RBPJ: variants seen among roughly 807,000 people sequenced by gnomAD.
The protein encoded by RBPJ is recombining binding protein suppressor of hairless.
Under a neutral mutation model 67.8 loss-of-function variants are expected in RBPJ, and 9 were observed. The ratio of observed to expected loss-of-function variants is 0.13; its 90% CI spans 0.08 to 0.23. The LOEUF is 0.23. Ranked by LOEUF, RBPJ falls within the 10% of genes least tolerant of loss-of-function variation. RBPJ has a pLI of 1.00. For synonymous variants in RBPJ, 198 were observed against 203.3 expected (o/e 0.97, Z 0.22); for missense variants, 305 against 595.6 (o/e 0.51, Z 5.08).
At chr4:26,320,971 G>A, upstream of RBPJ, 1 of 1,613,414 alleles carries the variant, frequency 6.2e-7, no homozygotes, top group Non-Finnish European at 8.5e-7. Flanking sequence ...AGAGGGACCA[G>A]GGAAGGCGTC....
intron 1 of RBPJ, among the ~76,000 whole-genome samples, chr4:26,211,558 C>T (rs576292333): frequency 1.4e-4 from 22 of 152,264 alleles, no homozygotes; most frequent in African/African-American, 4.3e-4. Context: ...TAAAGTTGCA[C>T]GACCATCATC....
At chr4:26,378,753 G>C (rs1196833507) in intron 1 of RBPJ, among the ~76,000 whole-genome samples, 1 of 152,172 alleles carries the variant, frequency 6.6e-6, no homozygotes. Context: ...GAGGCTGAGT[G>C]TGGTGGCTCA....
chr4:26,338,265 C>T (rs1391034824), intron 1 of RBPJ, among the ~76,000 whole-genome samples: 11 of 149,462 alleles, frequency 7.4e-5, no homozygotes, highest in Admixed American at 3.3e-4. Context: ...AAGCAATTCT[C>T]CTGCCTCAGC....
intron 1 of RBPJ, among the ~76,000 whole-genome samples, chr4:26,170,307 G>A (rs1244634438): frequency 2.0e-5 from 3 of 152,116 alleles, no homozygotes; most frequent in African/African-American, 2.4e-5. Context: ...TTGGGAGGCC[G>A]AGGCGGGTGG....
chr4:26,294,889 AATT>A (rs1721809561), intron 1 of RBPJ, among the ~76,000 whole-genome samples: 1 of 151,964 alleles, frequency 6.6e-6, no homozygotes, highest in Non-Finnish European at 1.5e-5. Flanking sequence ...AAAAAAAAAA[AATT>A]ATTACATGTG....
At chr4:26,391,056 C>T (rs1163745049) in intron 2 of RBPJ, among the ~76,000 whole-genome samples, 1 of 152,124 alleles carries the variant, frequency 6.6e-6, no homozygotes, top group Non-Finnish European at 1.5e-5. Context: ...GACCCTGTCT[C>T]AAATAAATAT....
chr4:26,317,511 G>A (rs1205880685), upstream of RBPJ, among the ~76,000 whole-genome samples: 3 of 152,128 alleles, frequency 2.0e-5, no homozygotes, highest in Non-Finnish European at 2.9e-5. Flanking sequence ...ATAGTGAAAT[G>A]GGAAAGTCAT....
rs527677521 is a variant in RBPJ, at chr4:26,393,750, T to C, written c.59+7359T>C. On this transcript the variant is annotated intron_variant, in intron 2 of 10. Coordinates refer to ENST00000355476, the MANE Select transcript of RBPJ (RefSeq NM_015874.6). The stretch of plus-strand genomic sequence containing the variant: ...AATATTCAAGTTAGGAAAATTTTAG[T>C]ATCTTTTATTTTATTTGATGAGAAA... 1.6e-3 allele frequency among the ~76,000 whole-genome samples: 244 copies of C among 152,264 alleles called. 1 individual carries two copies. Among genetic ancestry groups the C allele is most frequent in the African/African-American group, 5.7e-3 (237 of 41,550 alleles).
At chr4:26,199,577 G>T (rs1421265330) in intron 1 of RBPJ, among the ~76,000 whole-genome samples, 1 of 152,180 alleles carries the variant, frequency 6.6e-6, no homozygotes, top group Non-Finnish European at 1.5e-5. Flanking sequence ...GCCTGGAGTG[G>T]CTGGGGAGGG....
At chr4:26,367,497 G>T (rs1445316543) in intron 1 of RBPJ, among the ~76,000 whole-genome samples, 2 of 152,050 alleles carry the variant, frequency 1.3e-5, no homozygotes, top group Non-Finnish European at 2.9e-5. Flanking sequence ...AAACCTCTCA[G>T]TTTCACTTTT....
At chr4:26,140,868 A>AATAT in the RBPJ span, among the ~76,000 whole-genome samples, 1 of 151,692 alleles carries the variant, frequency 6.6e-6, no homozygotes, top group Non-Finnish European at 1.5e-5. Flanking sequence ...TAAATAAATA[A>AATAT]AATATTTGCA....
intron 3 of RBPJ, among the ~76,000 whole-genome samples, chr4:26,413,418 CT>C (rs1340739300): frequency 6.6e-6 from 1 of 152,154 alleles, no homozygotes; most frequent in Non-Finnish European, 1.5e-5. Flanking sequence ...TGTTATTTCA[CT>C]CATTTATCTG....
chr4:26,291,073 G>A lies in RBPJ; in HGVS notation c.-166-71373G>A, dbSNP rs548934636. Among the ~76,000 whole-genome samples, 2 of 150,948 alleles carry A rather than the reference G, an allele frequency of 1.3e-5. 1 individual carries two copies. The highest frequency in any genetic ancestry group is 3.9e-4 in the East Asian group (2 of 5,096). ...TATTACCCATATTTCTATAATACCT[G>A]CTTCAGAAGTGTTGCAGAAAGACAA... is the stretch of plus-strand genomic sequence containing the variant. On this transcript the variant is annotated intron_variant, in intron 1 of 4. Transcript: ENST00000512351.
rs1314667282 is a variant in RBPJ at position 26,431,653 on chromosome 4, A to G, written c.*646A>G. ...AGTCTTATGACTTTTCATGAGTCAA[A>G]ATTGTTTGGATTTCAGCAAGTCAAA... On this transcript the variant is annotated 3_prime_UTR_variant, in exon 11 of 11. Transcript: ENST00000355476. 1 of 151,790 alleles carries G rather than the reference A, an allele frequency of 6.6e-6. No homozygotes were observed. Among genetic ancestry groups the G allele is most frequent in the Non-Finnish European group, 1.5e-5 (1 of 67,966 alleles). The allele number at this position is 151,790 out of a possible 1,614,324, so 9.4% of individuals were successfully genotyped here.
chr4:26,388,619 C>G (rs920447546), intron 2 of RBPJ, among the ~76,000 whole-genome samples: 4 of 152,166 alleles, frequency 2.6e-5, no homozygotes, highest in Non-Finnish European at 4.4e-5. Context: ...CTCTCTCTCT[C>G]TCTCTCTCAA....
chr4:26,344,392 G>A (rs750778814), intron 1 of RBPJ, among the ~76,000 whole-genome samples: 2 of 151,574 alleles, frequency 1.3e-5, no homozygotes, highest in Non-Finnish European at 2.9e-5. Flanking sequence ...CTGCCATCAC[G>A]CCCGGCTAAT....
chr4:26,210,035 T>C (rs1718330196), intron 1 of RBPJ, among the ~76,000 whole-genome samples: 1 of 152,142 alleles, frequency 6.6e-6, no homozygotes, highest in Admixed American at 6.6e-5. Context: ...GAGGACCCAC[T>C]GTAGAGTTTT....
At chr4:26,236,235 C>A (rs1719445866) in intron 1 of RBPJ, among the ~76,000 whole-genome samples, 1 of 152,186 alleles carries the variant, frequency 6.6e-6, no homozygotes, top group African/African-American at 2.4e-5. Context: ...GCCCTGTGAC[C>A]TTCAATAAGC....
intron 1 of RBPJ, among the ~76,000 whole-genome samples, chr4:26,205,077 A>C (rs1718123563): frequency 6.6e-6 from 1 of 152,028 alleles, no homozygotes; most frequent in Non-Finnish European, 1.5e-5. Context: ...AGGATGGGGG[A>C]GGGGCTCAGT....
Sources: allele counts gnomAD v4.1 joint callset (sites outside exome capture counted in the v4.1 genomes callset), GRCh38; gene constraint gnomAD v4.1.1; transcripts MANE v1.5; gene names NCBI Gene and HGNC (gene_info 2026-07-23, HGNC 2026-07-21).